The following DYM variants were observed in gnomAD, a reference collection of about 807,000 sequenced individuals.
DYM encodes dymeclin.
Under a neutral mutation model 93.1 loss-of-function variants are expected in DYM, and 78 were observed. The ratio of observed to expected loss-of-function variants is 0.84; its 90% confidence interval spans 0.70 to 1.01. DYM has a LOEUF of 1.01. DYM is among the 50% of genes least tolerant of loss of function. DYM has a pLI of 0.00. For missense variants in DYM, 789 were observed against 845.0 expected, an observed-to-expected ratio of 0.93 and a Z score of 0.82; for synonymous variants, 321 against 319.7, an observed-to-expected ratio of 1.00 and a Z score of -0.04.
chr18:49,180,199 A>C (rs1430653395), intron 14 of DYM, among the ~76,000 whole-genome samples: 1 of 152,154 alleles, frequency 6.6e-6, no homozygotes, highest in African/African-American at 2.4e-5. Flanking sequence ...TATCTTTGTA[A>C]GGAAGACTTT....
At chr18:49,196,820 G>A (rs772100549) in intron 14 of DYM, among the ~76,000 whole-genome samples, 28 of 152,140 alleles carry the variant, frequency 1.8e-4, no homozygotes, top group Non-Finnish European at 3.4e-4. Context: ...TTGCTGGATC[G>A]GGAATTAGGG....
chr18:49,308,597 T>C (rs2061406568), intron 8 of DYM, among the ~76,000 whole-genome samples: 1 of 152,172 alleles, frequency 6.6e-6, no homozygotes, highest in African/African-American at 2.4e-5. Context: ...GTTGCTTTCA[T>C]TTCCACCCCT....
At chr18:49,075,046 G>A (rs2077187720) in intron 17 of DYM, among the ~76,000 whole-genome samples, 1 of 152,142 alleles carries the variant, frequency 6.6e-6, no homozygotes, top group Admixed American at 6.5e-5. Flanking sequence ...TGTCTCCTCT[G>A]ATGCTCATCA....
intron 14 of DYM, among the ~76,000 whole-genome samples, chr18:49,191,982 G>C (rs2145700599): frequency 6.6e-6 from 1 of 152,198 alleles, no homozygotes; most frequent in African/African-American, 2.4e-5. Context: ...TGTCACCCAG[G>C]CTGGAGTGTA....
intron 9 of DYM, among the ~76,000 whole-genome samples, chr18:49,284,408 A>G (rs928464940): frequency 2.0e-5 from 3 of 152,212 alleles, no homozygotes; most frequent in African/African-American, 2.4e-5. Context: ...TCATTGTACT[A>G]CATGGTCTCC....
rs1568181726 is a variant in DYM, at chr18:49,289,778, T to TATATAC, written c.764-3163_764-3162insGTATAT. Among the ~76,000 whole-genome samples the TATATAC allele has an allele frequency of 3.0e-3, 166 of 55,906 alleles. 1 individual carries two copies. Among genetic ancestry groups the TATATAC allele is most frequent in the African/African-American group, 0.012 (153 of 12,990 alleles). 36.7% of individuals were successfully genotyped at this position (55,906 alleles called of 152,430 possible). A position where few individuals can be genotyped will look rare whatever the true frequency, so the allele number is the denominator to read the frequency against. ...ATATATATATATATATATATACACA[T>TATATAC]ATATATATATACACACATATATATA... On this transcript the variant is annotated intron_variant, in intron 8 of 17. Coordinates refer to ENST00000675505, the MANE Select transcript of DYM (RefSeq NM_001353214.3).
At chr18:49,147,265 C>A (rs563881298) in intron 15 of DYM, among the ~76,000 whole-genome samples, 44 of 152,020 alleles carry the variant, frequency 2.9e-4, no homozygotes, top group African/African-American at 1.1e-3. Flanking sequence ...CTAGGCAATA[C>A]CATTCAGGAC....
chr18:49,148,435 T>A (rs2085418618), intron 15 of DYM, among the ~76,000 whole-genome samples: 2 of 152,256 alleles, frequency 1.3e-5, no homozygotes, highest in South Asian at 4.2e-4. Context: ...TTAATTAATT[T>A]TTTGTAGACA....
chr18:49,331,823 T>G lies in DYM; in HGVS notation c.763+41A>C, dbSNP rs369143271. On this transcript the variant is annotated intron_variant, in intron 8 of 17. Coordinates refer to ENST00000675505, the MANE Select transcript of DYM (RefSeq NM_001353214.3). ...TTTCTTATGCCTAAATAGATAAAAT[T>G]TATGTGCACCAAAGAATTGAAAAAA... The G allele has an allele frequency of 3.2e-5, 51 of 1,612,062 alleles. 2 individuals are homozygous for G. The South Asian group carries it at 5.4e-4, about 17-fold the overall frequency.
chr18:49,174,446 G>T (rs1160237820), intron 14 of DYM, among the ~76,000 whole-genome samples: 2 of 152,080 alleles, frequency 1.3e-5, no homozygotes, highest in Non-Finnish European at 2.9e-5. Context: ...TCACAGCCTG[G>T]TAATCCGAGT....
intron 14 of DYM, among the ~76,000 whole-genome samples, chr18:49,190,393 T>A (rs1319473804): frequency 1.3e-5 from 2 of 152,206 alleles, no homozygotes; most frequent in East Asian, 3.8e-4. Context: ...GACTGAAGGA[T>A]ATCACATGAA....
In DYM at chr18:49,460,519, A is replaced by C. The variant is rs1305022554; in HGVS notation, c.-175T>G. The C allele has an allele frequency of 1.3e-5, 2 of 152,298 alleles. No homozygotes were observed. Among genetic ancestry groups the C allele is most frequent in the Non-Finnish European group, 2.9e-5 (2 of 68,164 alleles). The allele number at this position is 152,298 out of a possible 1,614,324, so 9.4% of individuals were successfully genotyped here. On this transcript the variant is annotated 5_prime_UTR_variant, in exon 1 of 18. An upstream open reading frame in the 5' UTR loses its in-frame stop. Transcript: ENST00000675505. ...CAGCCCAGGTGGCGCACACCGGCTC[A>C]GGCCTCCATGTTTCCACGTCTCAGC...
At chr18:49,110,817 G>A (rs1265164056) in intron 16 of DYM, among the ~76,000 whole-genome samples, 2 of 152,026 alleles carry the variant, frequency 1.3e-5, no homozygotes, top group African/African-American at 2.4e-5. Flanking sequence ...TTCTCCTTGT[G>A]AGACTCCAAT....
intron 11 of DYM, among the ~76,000 whole-genome samples, chr18:49,265,533 C>G (rs1402423953): frequency 6.6e-6 from 1 of 152,060 alleles, no homozygotes; most frequent in African/African-American, 2.4e-5. Flanking sequence ...AATCCCAGCA[C>G]TTTGGGAGGC....
At chr18:49,360,163 C>T (rs965510772) in intron 6 of DYM, among the ~76,000 whole-genome samples, 3 of 151,528 alleles carry the variant, frequency 2.0e-5, no homozygotes, top group African/African-American at 7.3e-5. Context: ...GTTTAAATGG[C>T]TGCTCTATTC....
intron 12 of DYM, among the ~76,000 whole-genome samples, chr18:49,257,680 A>AT (rs1337314448): frequency 2.3e-5 from 2 of 85,924 alleles, no homozygotes; most frequent in Admixed American, 1.4e-4. Flanking sequence ...GACTTTGGCT[A>AT]TTTAAAAAAA....
At chr18:49,413,507 ATTT>A (rs771737304) in intron 2 of DYM, among the ~76,000 whole-genome samples, 9 of 152,214 alleles carry the variant, frequency 5.9e-5, no homozygotes, top group Non-Finnish European at 1.2e-4. Context: ...GTAGAATTAA[ATTT>A]TTTATCATGT....
intron 17 of DYM, among the ~76,000 whole-genome samples, chr18:49,062,809 G>A (rs1245063020): frequency 6.6e-6 from 1 of 152,228 alleles, no homozygotes; most frequent in African/African-American, 2.4e-5. Flanking sequence ...TCAGAAGTGT[G>A]CATTCAAATT....
chr18:49,061,404 C>T (rs2075975144), intron 17 of DYM, among the ~76,000 whole-genome samples: 1 of 152,066 alleles, frequency 6.6e-6, no homozygotes, highest in Non-Finnish European at 1.5e-5. Flanking sequence ...ACGGACCAGC[C>T]GGTGTGTTTG....
Sources: allele counts gnomAD v4.1 joint callset (sites outside exome capture counted in the v4.1 genomes callset), GRCh38; gene constraint gnomAD v4.1.1; transcripts MANE v1.5; gene names NCBI Gene and HGNC (gene_info 2026-07-23, HGNC 2026-07-21).